Variants in MTSS1 observed in about 807,000 individuals in gnomAD.
MTSS1 encodes protein MTSS 1.
MTSS1 carries 18 observed loss-of-function variants against 79.0 expected under a neutral mutation model. The ratio of observed to expected loss-of-function variants is 0.23; its 90% CI spans 0.16 to 0.34. The LOEUF (loss-of-function observed/expected upper bound fraction) is 0.34. Ranked by LOEUF, MTSS1 falls within the 10% of genes least tolerant of loss-of-function variation. MTSS1 has a pLI of 1.00. For missense variants in MTSS1, 815 were observed against 986.2 expected (o/e 0.83, Z 2.33); for synonymous variants, 341 against 368.6 (o/e 0.93, Z 0.86).
chr8:124,646,119 C>A (rs1267695409), intron 3 of MTSS1, among the ~76,000 whole-genome samples: 1 of 152,178 alleles, frequency 6.6e-6, no homozygotes, highest in Non-Finnish European at 1.5e-5. Context: ...CACGCTGAAA[C>A]CTCAACTTGT....
chr8:124,726,080 A>G (rs895756888), intron 1 of MTSS1, among the ~76,000 whole-genome samples: 1 of 152,232 alleles, frequency 6.6e-6, no homozygotes, highest in African/African-American at 2.4e-5. Context: ...CAAACTCTAG[A>G]TTCCGCCGTG....
chr8:124,667,552 G>A (rs1260473693), intron 3 of MTSS1, among the ~76,000 whole-genome samples: 1 of 152,160 alleles, frequency 6.6e-6, no homozygotes, highest in Non-Finnish European at 1.5e-5. Flanking sequence ...GCTGAGGCAG[G>A]AGAATTGCTT....
At chr8:124,705,282 C>A (rs1461075812) in intron 1 of MTSS1, among the ~76,000 whole-genome samples, 3 of 152,076 alleles carry the variant, frequency 2.0e-5, no homozygotes, top group Non-Finnish European at 4.4e-5. Context: ...ATCAGCCTGG[C>A]CAACGTGGTG....
chr8:124,643,014 A>G (rs1818336305), intron 3 of MTSS1, among the ~76,000 whole-genome samples: 1 of 152,246 alleles, frequency 6.6e-6, no homozygotes, highest in Non-Finnish European at 1.5e-5. Flanking sequence ...ACATACAATA[A>G]GTTCTCAATC....
intron 6 of MTSS1, among the ~76,000 whole-genome samples, chr8:124,583,425 C>T (rs963196082): frequency 1.3e-5 from 2 of 152,194 alleles, no homozygotes; most frequent in African/African-American, 4.8e-5. Context: ...TTGCCAGAAA[C>T]TTCTTTTGAT....
chr8:124,668,768 A>G (rs753525446), intron 3 of MTSS1, among the ~76,000 whole-genome samples: 2 of 152,194 alleles, frequency 1.3e-5, no homozygotes, highest in Non-Finnish European at 1.5e-5. Flanking sequence ...ATTCTTAGCT[A>G]TATCGACAGG....
At chr8:124,562,758 T>A (rs1825614144) in intron 10 of MTSS1, 24 bp downstream of exon 10, 1 of 1,605,924 alleles carries the variant, frequency 6.2e-7, no homozygotes, top group South Asian at 1.1e-5. Flanking sequence ...TGACAGCTGC[T>A]CCTGGAGCCA....
chr8:124,585,023 A>C, intron 6 of MTSS1, 64 bp downstream of exon 6: 1 of 1,411,324 alleles, frequency 7.1e-7, no homozygotes, highest in Non-Finnish European at 9.9e-7. Context: ...AACACCTTTC[A>C]CTTCAAAAAC....
intron 1 of MTSS1, among the ~76,000 whole-genome samples, chr8:124,717,743 G>A (rs932173816): frequency 8.5e-5 from 13 of 152,066 alleles, no homozygotes; most frequent in Middle Eastern, 3.2e-3. Context: ...CAGCAACAGT[G>A]CTTTTTCCCC....
chr8:124,658,815 T>TG, intron 3 of MTSS1, among the ~76,000 whole-genome samples: 1 of 152,058 alleles, frequency 6.6e-6, no homozygotes, highest in Non-Finnish European at 1.5e-5. Context: ...TCTCCAACAC[T>TG]GGGGATTACA....
At chr8:124,703,110 G>A (rs1382902854) in intron 2 of MTSS1, among the ~76,000 whole-genome samples, 1 of 151,782 alleles carries the variant, frequency 6.6e-6, no homozygotes, top group African/African-American at 2.4e-5. Context: ...AATCATCACC[G>A]CAATCCAATT....
intron 1 of MTSS1, among the ~76,000 whole-genome samples, chr8:124,706,610 G>A (rs987042297): frequency 1.3e-5 from 2 of 152,246 alleles, no homozygotes; most frequent in African/African-American, 4.8e-5. Flanking sequence ...GGCAAGAATC[G>A]TGTCTGGCTG....
intron 3 of MTSS1, among the ~76,000 whole-genome samples, chr8:124,602,207 A>ATACACACACATATATATATATATATAT: frequency 7.0e-6 from 1 of 142,242 alleles, no homozygotes; most frequent in African/African-American, 2.7e-5. Context: ...ATATATATAT[A>ATACACACACATATATATATATATATAT]ATTTTTTTTT....
At chr8:124,596,288 C>G (rs995138078) in intron 3 of MTSS1, among the ~76,000 whole-genome samples, 3 of 152,022 alleles carry the variant, frequency 2.0e-5, no homozygotes, top group African/African-American at 7.3e-5. Flanking sequence ...CAGGAACCAA[C>G]GTGTTGCTAA....
chr8:124,688,724 T>C (rs1356054368), intron 3 of MTSS1, among the ~76,000 whole-genome samples: 1 of 152,150 alleles, frequency 6.6e-6, no homozygotes, highest in Admixed American at 6.5e-5. Context: ...CAACCTATGC[T>C]GTGTCCTCCT....
intron 6 of MTSS1, among the ~76,000 whole-genome samples, chr8:124,577,412 G>A (rs1342313319): frequency 6.6e-6 from 1 of 152,168 alleles, no homozygotes; most frequent in East Asian, 1.9e-4. Flanking sequence ...ACCACACCCA[G>A]CTAACTTTTG....
chr8:124,565,999 G>A, intron 8 of MTSS1: 11 of 328,336 alleles, frequency 3.4e-5, no homozygotes, highest in South Asian at 6.2e-5. Flanking sequence ...GAAGGGAAAA[G>A]GAAAATCATG....
chr8:124,687,316 G>A (rs1827146961), intron 3 of MTSS1, among the ~76,000 whole-genome samples: 2 of 152,140 alleles, frequency 1.3e-5, no homozygotes, highest in Non-Finnish European at 2.9e-5. Context: ...ACCACTGCAG[G>A]AGGTTGGGTG....
intron 6 of MTSS1, among the ~76,000 whole-genome samples, chr8:124,578,264 T>C (rs1563787034): frequency 6.6e-6 from 1 of 152,126 alleles, no homozygotes; most frequent in Non-Finnish European, 1.5e-5. Flanking sequence ...GCCTCAAGGC[T>C]GTCCCTGGAG....
Sources: gnomAD v4.1 joint callset for allele counts (sites outside exome capture counted in the v4.1 genomes callset) on GRCh38, gnomAD v4.1.1 for gene constraint, MANE v1.5 for transcripts, NCBI Gene and HGNC (gene_info 2026-07-23, HGNC 2026-07-21) for gene names.